ZNF385D: variants seen among roughly 807,000 people sequenced by gnomAD.
ZNF385D encodes zinc finger protein 385D.
ZNF385D carries 15 observed loss-of-function variants against 35.8 expected under a neutral mutation model. The observed-to-expected ratio is 0.42, with a 90% CI of 0.28 to 0.64. The LOEUF (loss-of-function observed/expected upper bound fraction) is 0.64. ZNF385D is among the 30% of genes least tolerant of loss of function. The pLI, the probability that ZNF385D is intolerant of heterozygous loss-of-function variation, is 0.23. For missense variants in ZNF385D, 474 were observed against 494.6 expected, an observed-to-expected ratio of 0.96 and a Z score of 0.39; for synonymous variants, 212 against 186.8, an observed-to-expected ratio of 1.13 and a Z score of -1.10.
At chr3:22,298,560 T>C (rs189576058) in intron 2 of ZNF385D, among the ~76,000 whole-genome samples, 26,202 of 142,626 alleles carry the variant, frequency 0.18, 2,764 homozygotes, top group South Asian at 0.27. Context: ...TATACACACA[T>C]ACACACACAC....
At chr3:21,602,482 G>C (rs1436943883) in intron 2 of ZNF385D, among the ~76,000 whole-genome samples, 1 of 146,930 alleles carries the variant, frequency 6.8e-6, no homozygotes. Context: ...GCAAAACCAA[G>C]AGTAGAATTT....
At chr3:22,061,760 C>T (rs1442024443) in intron 3 of ZNF385D, among the ~76,000 whole-genome samples, 2 of 152,192 alleles carry the variant, frequency 1.3e-5, no homozygotes, top group South Asian at 2.1e-4. Context: ...CTACCACTGC[C>T]TCTGTACACA....
rs1273935267 is a variant in ZNF385D, at chr3:21,905,215, A to C, written c.326-240187T>G. ...CAGTAACAAAAAATCCAAAAAAAAA[A>C]AAAAAAAAAAAAACCCTAAACCTGC... On this transcript the variant is annotated intron_variant, in intron 3 of 5. Coordinates refer to the ZNF385D transcript ENST00000494108. Among the ~76,000 whole-genome samples, 47 of 149,294 alleles carry C rather than the reference A, an allele frequency of 3.1e-4. No homozygotes were observed. In the Admixed American group the frequency reaches 3.3e-3, roughly 10 times the overall value.
Position 22,365,557 on chromosome 3 carries a change from T to A in ZNF385D, c.106+6893A>T, listed in dbSNP as rs73144139. 6.6e-3 allele frequency among the ~76,000 whole-genome samples: 997 copies of A among 152,092 alleles called. 13 individuals carry two copies. Among genetic ancestry groups the A allele is most frequent in the African/African-American group, 0.023 (940 of 41,498 alleles). ...TCTTTCACAAACATACTGTACAGAGTCTTCTATGGTATGAAACAAAGGAAA... is the reference window on the plus strand; with the variant it reads ...TCTTTCACAAACATACTGTACAGAGACTTCTATGGTATGAAACAAAGGAAA... On this transcript the variant is annotated intron_variant, in intron 2 of 5. Coordinates refer to the ZNF385D transcript ENST00000494108.
chr3:21,446,129 T>C (rs78265810), intron 4 of ZNF385D, among the ~76,000 whole-genome samples: 3,901 of 152,278 alleles, frequency 0.026, 142 homozygotes, highest in Admixed American at 0.09. Flanking sequence ...GTCTGAATAT[T>C]TGCATTTCTA....
intron 2 of ZNF385D, among the ~76,000 whole-genome samples, chr3:22,358,756 G>A (rs143769051): frequency 2.8e-3 from 423 of 151,690 alleles, no homozygotes; most frequent in African/African-American, 9.9e-3. Flanking sequence ...ATTGGACAGA[G>A]GACTTAAAAA....
intron 3 of ZNF385D, among the ~76,000 whole-genome samples, chr3:22,161,144 A>G (rs1422181715): frequency 6.6e-6 from 1 of 152,056 alleles, no homozygotes; most frequent in Non-Finnish European, 1.5e-5. Context: ...AATATGAGTA[A>G]AATCTTAATG....
At chr3:22,346,681 C>T (rs1575166730) in intron 2 of ZNF385D, among the ~76,000 whole-genome samples, 3 of 152,262 alleles carry the variant, frequency 2.0e-5, no homozygotes. Flanking sequence ...AACCGTTGTT[C>T]AAGAGTTAAG....
intron 2 of ZNF385D, among the ~76,000 whole-genome samples, chr3:22,199,909 C>T (rs1464862634): frequency 1.3e-5 from 2 of 151,890 alleles, no homozygotes; most frequent in Non-Finnish European, 2.9e-5. Context: ...ATAGCAATGA[C>T]TATTTAATAT....
intron 2 of ZNF385D, among the ~76,000 whole-genome samples, chr3:22,311,461 A>G (rs769413159): frequency 2.0e-5 from 3 of 151,972 alleles, no homozygotes; most frequent in Non-Finnish European, 4.4e-5. Context: ...AGCAAGTCTC[A>G]CTTTGTTTTT....
intron 3 of ZNF385D, among the ~76,000 whole-genome samples, chr3:21,975,888 G>A (rs1378563062): frequency 2.0e-5 from 3 of 151,894 alleles, no homozygotes; most frequent in Admixed American, 2.0e-4. Context: ...TAACTACACA[G>A]GACAAGATGC....
intron 2 of ZNF385D, among the ~76,000 whole-genome samples, chr3:22,245,618 G>C (rs1453726871): frequency 6.6e-6 from 1 of 151,956 alleles, no homozygotes; most frequent in Non-Finnish European, 1.5e-5. Context: ...ATGTGTTTCA[G>C]ATTTGACAGC....
intron 2 of ZNF385D, among the ~76,000 whole-genome samples, chr3:22,366,118 A>T (rs566555610): frequency 3.5e-4 from 53 of 152,210 alleles, no homozygotes; most frequent in Admixed American, 1.6e-3. Flanking sequence ...GAGGAAGCAG[A>T]GTTCAAAATT....
intron 3 of ZNF385D, among the ~76,000 whole-genome samples, chr3:21,981,894 G>A (rs1396173146): frequency 5.9e-5 from 9 of 151,734 alleles, no homozygotes; most frequent in Non-Finnish European, 1.5e-5. Context: ...CTTATTTCTG[G>A]GCTTTCTATC....
intron 4 of ZNF385D, among the ~76,000 whole-genome samples, chr3:21,464,812 C>T (rs1431247769): frequency 6.6e-6 from 1 of 151,078 alleles, no homozygotes; most frequent in Non-Finnish European, 1.5e-5. Context: ...AAGAGAAAAA[C>T]AATCCCAGAA....
intron 3 of ZNF385D, among the ~76,000 whole-genome samples, chr3:21,934,233 T>A (rs937511645): frequency 6.6e-6 from 1 of 152,200 alleles, no homozygotes; most frequent in African/African-American, 2.4e-5. Context: ...ACAACTATTG[T>A]TGAAGTATAT....
rs902915917 is a variant in ZNF385D at position 21,819,824 on chromosome 3, T to C, written c.326-154796A>G. Among the ~76,000 whole-genome samples, 3 of 146,656 alleles carry C rather than the reference T, an allele frequency of 2.0e-5. 1 individual carries two copies. The highest frequency in any genetic ancestry group is 3.0e-5 in the Non-Finnish European group (2 of 66,584). ...TACATAAATATAATATACATAAATA[T>C]GATACAAATATAATACACATATATA... On this transcript the variant is annotated intron_variant, in intron 3 of 5. Coordinates refer to the ZNF385D transcript ENST00000494108.
rs1394050381 is a variant in ZNF385D at position 22,244,502 on chromosome 3, C to T, written c.107-75467G>A. Among the ~76,000 whole-genome samples the T allele has an allele frequency of 1.3e-5, 2 of 149,836 alleles. 1 individual carries two copies. Among genetic ancestry groups the T allele is most frequent in the African/African-American group, 4.9e-5 (2 of 40,460 alleles). ...TTTGTTACTTAAATAATATTCCAAT[C>T]AGAATGAAACCCTTACTACTTTGAA... On this transcript the variant is annotated intron_variant, in intron 2 of 5. Coordinates refer to the ZNF385D transcript ENST00000494108.
intron 3 of ZNF385D, among the ~76,000 whole-genome samples, chr3:21,514,783 G>A (rs1402693371): frequency 6.6e-6 from 1 of 151,834 alleles, no homozygotes; most frequent in African/African-American, 2.4e-5. Flanking sequence ...TCAAATTCTT[G>A]TATTGTTCTT....
Sources: gnomAD v4.1 joint callset for allele counts (sites outside exome capture counted in the v4.1 genomes callset) on GRCh38, gnomAD v4.1.1 for gene constraint, MANE v1.5 for transcripts, NCBI Gene and HGNC (gene_info 2026-07-23, HGNC 2026-07-21) for gene names.